The following ARHGAP32 variants were observed in gnomAD, a reference collection of about 807,000 sequenced individuals.
The protein encoded by ARHGAP32 is Rho GTPase activating protein 32.
In ARHGAP32, 51 loss-of-function variants were observed where a neutral mutation model predicts 186.5. The ratio of observed to expected loss-of-function variants is 0.27; its 90% CI spans 0.22 to 0.35. The LOEUF (loss-of-function observed/expected upper bound fraction) is 0.35, where lower values mean the gene tolerates loss of function less well. Among genes scored for constraint, ARHGAP32 ranks in the 10% least tolerant of loss-of-function variants. The pLI, the probability that ARHGAP32 is intolerant of heterozygous loss-of-function variation, is 1.00. For synonymous variants in ARHGAP32, 950 were observed against 964.3 expected, an observed-to-expected ratio of 0.99 and a Z score of 0.27; for missense variants, 2,186 against 2,623.5, an observed-to-expected ratio of 0.83 and a Z score of 3.64.
chr11:129,135,868 T>A (rs1477226970), intron 2 of ARHGAP32, among the ~76,000 whole-genome samples: 1 of 152,176 alleles, frequency 6.6e-6, no homozygotes, highest in Non-Finnish European at 1.5e-5. Context: ...GGTTAACATG[T>A]TCTTCTATAA....
chr11:129,079,794 A>G (rs956003290), intron 6 of ARHGAP32, among the ~76,000 whole-genome samples: 4 of 152,194 alleles, frequency 2.6e-5, no homozygotes, highest in East Asian at 1.9e-4. Context: ...TGCTCCACCT[A>G]AAAGATACAG....
intron 1 of ARHGAP32, among the ~76,000 whole-genome samples, chr11:129,267,130 A>T (rs1374064192): frequency 6.6e-6 from 1 of 152,096 alleles, no homozygotes; most frequent in Non-Finnish European, 1.5e-5. Context: ...GAGGCCAAGG[A>T]GGGTAGATGA....
chr11:129,099,006 A>G (rs1363954736), intron 5 of ARHGAP32, among the ~76,000 whole-genome samples: 1 of 152,234 alleles, frequency 6.6e-6, no homozygotes. Flanking sequence ...TAAACATTTC[A>G]CAATAAAAAA....
At chr11:129,067,736 A>C (rs1304063437) in intron 6 of ARHGAP32, among the ~76,000 whole-genome samples, 2 of 152,044 alleles carry the variant, frequency 1.3e-5, no homozygotes, top group African/African-American at 4.8e-5. Context: ...TTGGCTCATA[A>C]AAATCTGGAG....
chr11:129,052,441 G>A (rs1351648253), intron 10 of ARHGAP32, among the ~76,000 whole-genome samples: 2 of 152,128 alleles, frequency 1.3e-5, no homozygotes, highest in Non-Finnish European at 2.9e-5. Flanking sequence ...TTCTACACAA[G>A]AGCCTGCCTG....
chr11:129,187,066 A>G (rs1944177386), intron 1 of ARHGAP32, among the ~76,000 whole-genome samples: 1 of 152,232 alleles, frequency 6.6e-6, no homozygotes, highest in East Asian at 1.9e-4. Flanking sequence ...CTGCACTCCC[A>G]TATTTGTTGC....
chr11:129,129,445 C>T (rs1224831264), intron 2 of ARHGAP32, among the ~76,000 whole-genome samples: 3 of 151,080 alleles, frequency 2.0e-5, no homozygotes, highest in Non-Finnish European at 4.4e-5. Context: ...GCCACTGCCC[C>T]GTCTGGGAGG....
chr11:129,225,714 G>A (rs1944772210), intron 1 of ARHGAP32, among the ~76,000 whole-genome samples: 1 of 151,932 alleles, frequency 6.6e-6, no homozygotes, highest in Non-Finnish European at 1.5e-5. Flanking sequence ...AAAATTACAA[G>A]ACACGCCAAG....
chr11:129,172,990 GA>G (rs138385970), intron 1 of ARHGAP32, among the ~76,000 whole-genome samples: 40,766 of 126,038 alleles, frequency 0.32, 5,889 homozygotes, highest in Middle Eastern at 0.44. Context: ...CCTCCAAAAA[GA>G]AAAAAAAAAA....
rs1165552151 is a variant in ARHGAP32 at position 128,986,123 on chromosome 11, T to C, written c.1444-38A>G. The C allele has an allele frequency of 2.0e-6, 3 of 1,478,658 alleles. No homozygotes were observed. The African/African-American group carries it at 4.2e-5, about 21-fold the overall frequency. The allele number at this position is 1,478,658 out of a possible 1,614,324, so 91.6% of individuals were successfully genotyped here. A position where few individuals can be genotyped will look rare whatever the true frequency, so the allele number is the denominator to read the frequency against. ...CAGTACAAAATAAACTAGTGAGCTC[T>C]GTTAGTAAAAATGAAAGTTCACTTA... On this transcript the variant is annotated intron_variant, in intron 14 of 22. Transcript: ENST00000682385.
intron 1 of ARHGAP32, among the ~76,000 whole-genome samples, chr11:129,201,915 C>A (rs868357923): frequency 6.6e-6 from 1 of 151,964 alleles, no homozygotes; most frequent in African/African-American, 2.4e-5. Context: ...CACAGGAGTT[C>A]GAGGCTACAG....
In ARHGAP32 at chr11:128,970,265, G is replaced by T; in HGVS notation, c.4948C>A (p.Gln1650Lys). The T allele has an allele frequency of 6.2e-7, 1 of 1,614,206 alleles. No individual in the cohort carries two copies. Among genetic ancestry groups the T allele is most frequent in the African/African-American group, 1.3e-5 (1 of 75,038 alleles). ...SQARSDYHVTQLQPYFENGRV... is the reference protein window; with the variant it reads ...SQARSDYHVTKLQPYFENGRV... The stretch of plus-strand genomic sequence containing the variant: ...CCATTCTCAAAGTAAGGCTGAAGCT[G>T]AGTGACATGATAATCTGAGCGGGCC... Residue 1650 changes from glutamine to lysine, a missense_variant, in exon 23 of 23, where the codon CAG becomes AAG. Transcript: ENST00000682385. This position sits in a 1 kb window ranked among gnomAD's most constrained non-coding sequence, Gnocchi z 5.8.
At chr11:129,071,715 T>C (rs945764521) in intron 6 of ARHGAP32, among the ~76,000 whole-genome samples, 2 of 152,170 alleles carry the variant, frequency 1.3e-5, no homozygotes, top group African/African-American at 2.4e-5. Flanking sequence ...CATCTAGATA[T>C]ATATCCTAAG....
At position 129,034,085 on chromosome 11, in the gene ARHGAP32, C is replaced by T. The variant is rs1939224032; in HGVS notation, c.1045+6843G>A. On this transcript the variant is annotated intron_variant, in intron 11 of 22. Coordinates refer to ENST00000682385, the MANE Select transcript of ARHGAP32 (RefSeq NM_001378024.1). ...TGTATTTCCATATACATTTTAGAAT[C>T]AGTCATCAATTTCTACATAGATTCC... Among the ~76,000 whole-genome samples, 2 of 152,148 alleles carry T rather than the reference C, an allele frequency of 1.3e-5. 1 individual carries two copies. Among genetic ancestry groups the T allele is most frequent in the South Asian group, 4.1e-4 (2 of 4,830 alleles).
At chr11:129,081,605 C>T (rs1941220784) in intron 6 of ARHGAP32, among the ~76,000 whole-genome samples, 1 of 151,234 alleles carries the variant, frequency 6.6e-6, no homozygotes, top group African/African-American at 2.4e-5. Flanking sequence ...AAGGGACATA[C>T]CTTATAAAAC....
intron 1 of ARHGAP32, among the ~76,000 whole-genome samples, chr11:129,167,277 T>C (rs1468570037): frequency 6.6e-6 from 1 of 152,114 alleles, no homozygotes; most frequent in Non-Finnish European, 1.5e-5. Flanking sequence ...AGAAGGAATG[T>C]AAAATGGCAC....
intron 6 of ARHGAP32, among the ~76,000 whole-genome samples, chr11:129,070,409 T>C (rs1284531025): frequency 1.3e-5 from 2 of 152,064 alleles, no homozygotes; most frequent in Non-Finnish European, 2.9e-5. Flanking sequence ...AATATTAGTT[T>C]GGTTAAATTG....
chr11:129,042,916 G>T (rs1939654288), intron 10 of ARHGAP32, among the ~76,000 whole-genome samples: 1 of 152,140 alleles, frequency 6.6e-6, no homozygotes, highest in Non-Finnish European at 1.5e-5. Context: ...GAGATGGGAG[G>T]TGCCCTGGAA....
At chr11:129,015,739 G>C (rs919923094) in intron 11 of ARHGAP32, among the ~76,000 whole-genome samples, 1 of 152,088 alleles carries the variant, frequency 6.6e-6, no homozygotes. Context: ...CGGCACTTGT[G>C]GTTCAGTATA....
Sources: gnomAD v4.1 joint callset for allele counts (sites outside exome capture counted in the v4.1 genomes callset) on GRCh38, gnomAD v4.1.1 for gene constraint, Gnocchi (gnomAD v3.1) non-coding constraint, MANE v1.5 for transcripts, NCBI Gene and HGNC (gene_info 2026-07-23, HGNC 2026-07-21) for gene names.